ATXN10: variants seen among roughly 807,000 people sequenced by gnomAD.
ATXN10 encodes the protein ataxin 10.
ATXN10 carries 28 observed loss-of-function variants against 52.9 expected under a neutral mutation model. The ratio of observed to expected loss-of-function variants is 0.53; its 90% CI spans 0.39 to 0.73. ATXN10 has a LOEUF of 0.73. Ranked by LOEUF, ATXN10 falls within the 30% of genes least tolerant of loss-of-function variation. The pLI, the probability that ATXN10 is intolerant of heterozygous loss-of-function variation, is 0.00. For synonymous variants in ATXN10, 226 were observed against 221.5 expected (o/e 1.02, Z -0.18); for missense variants, 565 against 577.0 (o/e 0.98, Z 0.21).
chr22:45,800,588 G>A (rs575436661), intron 9 of ATXN10, among the ~76,000 whole-genome samples: 10 of 152,300 alleles, frequency 6.6e-5, no homozygotes, highest in East Asian at 1.9e-4. Flanking sequence ...AATTTCATTC[G>A]TAGGTATCCA....
At position 45,823,756 on chromosome 22, in the gene ATXN10, G is replaced by T. The variant is rs1014387120; in HGVS notation, c.1237+16734G>T. Among the ~76,000 whole-genome samples the T allele has an allele frequency of 3.9e-5, 6 of 152,118 alleles. No homozygotes were observed. Among genetic ancestry groups the T allele is most frequent in the African/African-American group, 1.4e-4 (6 of 41,410 alleles). On this transcript the variant is annotated intron_variant, in intron 10 of 11. Transcript: ENST00000252934. This position sits in a 1 kb window ranked among gnomAD's most constrained non-coding sequence, Gnocchi z 4.9. ...TCGGCAGGTGTTTATTGAGTAGCTG[G>T]CATGTTATGTGCTGCACACTGTTCT...
chr22:45,685,315 T>G (rs536004194), intron 1 of ATXN10, among the ~76,000 whole-genome samples: 1 of 152,326 alleles, frequency 6.6e-6, no homozygotes, highest in East Asian at 1.9e-4. Context: ...TTTTTTTGGT[T>G]CTGTAATGTA....
At position 45,681,061 on chromosome 22, in the gene ATXN10, T is replaced by C. The variant is rs1325217079; in HGVS notation, c.117-8651T>C. ...TAGACCACTCCAACTTTTAATCTCA[T>C]GACATCAGAGTATCCCTTGTTTAAT... On this transcript the variant is annotated intron_variant, in intron 1 of 11. Coordinates refer to ENST00000252934, the MANE Select transcript of ATXN10 (RefSeq NM_013236.4). The surrounding 1 kb of genome is among the most constrained non-coding windows in gnomAD (Gnocchi z 4.2). Among the ~76,000 whole-genome samples the C allele has an allele frequency of 1.3e-5, 2 of 152,220 alleles. No homozygotes were observed. Among genetic ancestry groups the C allele is most frequent in the Non-Finnish European group, 2.9e-5 (2 of 68,040 alleles).
chr22:45,755,633 A>G (rs1007723458), intron 9 of ATXN10, among the ~76,000 whole-genome samples: 3 of 152,220 alleles, frequency 2.0e-5, no homozygotes, highest in African/African-American at 4.8e-5. Context: ...GGGGAAAGGT[A>G]TTATTAACTT....
Position 45,824,781 on chromosome 22 carries a change from A to G in ATXN10, c.1237+17759A>G, listed in dbSNP as rs983081079. 8.5e-5 allele frequency among the ~76,000 whole-genome samples: 13 copies of G among 152,238 alleles called. No individual in the cohort carries two copies. The highest frequency in any genetic ancestry group is 3.1e-4 in the African/African-American group (13 of 41,452). On this transcript the variant is annotated intron_variant, in intron 10 of 11. Transcript: ENST00000252934. This position sits in a 1 kb window ranked among gnomAD's most constrained non-coding sequence, Gnocchi z 5.2. ...GCTTTTTCTGTGATACCCAGAATCT[A>G]TAACCTGTCTTTGTTGACCTCAAGA...
chr22:45,838,278 C>T (rs570490760), intron 10 of ATXN10, among the ~76,000 whole-genome samples: 13 of 152,274 alleles, frequency 8.5e-5, no homozygotes, highest in African/African-American at 3.1e-4. Flanking sequence ...GTTGAACCAG[C>T]TGAGGCCCAG....
At chr22:45,746,192 TTTACAG>T (rs1366948931) in intron 9 of ATXN10, among the ~76,000 whole-genome samples, 1 of 151,808 alleles carries the variant, frequency 6.6e-6, no homozygotes, top group African/African-American at 2.4e-5. Flanking sequence ...TAAGACTGAA[TTTACAG>T]TTGTTAAACA....
intron 9 of ATXN10, among the ~76,000 whole-genome samples, chr22:45,751,815 A>G (rs1304698476): frequency 1.4e-5 from 2 of 146,008 alleles, no homozygotes; most frequent in Non-Finnish European, 3.0e-5. Flanking sequence ...TCCCACATCT[A>G]AAGCAGTTTT....
chr22:45,766,947 A>T lies in ATXN10; in HGVS notation c.1173+26409A>T, dbSNP rs557017060. Among the ~76,000 whole-genome samples the T allele has an allele frequency of 6.6e-6, 1 of 152,372 alleles. No homozygotes were observed. Among genetic ancestry groups the T allele is most frequent in the South Asian group, 2.1e-4 (1 of 4,830 alleles). On this transcript the variant is annotated intron_variant, in intron 9 of 11. Coordinates refer to ENST00000252934, the MANE Select transcript of ATXN10 (RefSeq NM_013236.4). This position sits in a 1 kb window ranked among gnomAD's most constrained non-coding sequence, Gnocchi z 4.6. ...AATGCACATTAAACTACTCACTGAG[A>T]TACCATTTTTCACCTGTGTGATATC...
chr22:45,741,024 G>T (rs1157777763), intron 9 of ATXN10, among the ~76,000 whole-genome samples: 2 of 152,116 alleles, frequency 1.3e-5, no homozygotes, highest in African/African-American at 4.8e-5. Context: ...GTGCAGAAGA[G>T]CTTAAAGGTA....
chr22:45,812,179 A>G (rs918138265), intron 10 of ATXN10, among the ~76,000 whole-genome samples: 1 of 151,996 alleles, frequency 6.6e-6, no homozygotes, highest in African/African-American at 2.4e-5. Context: ...GAGATAGGCC[A>G]CCCGCTCCGA....
Position 45,822,822 on chromosome 22 carries a change from G to C in ATXN10, c.1237+15800G>C, listed in dbSNP as rs549223404. 1.6e-3 allele frequency among the ~76,000 whole-genome samples: 250 copies of C among 152,178 alleles called. 1 individual carries two copies. Among genetic ancestry groups the C allele is most frequent in the Non-Finnish European group, 3.0e-3 (205 of 67,992 alleles). ...CAGATGTGAGCCACGGTGCCCAGCTGAATTTCTCTAATATTAATAAACACA... is the reference window on the plus strand; with the variant it reads ...CAGATGTGAGCCACGGTGCCCAGCTCAATTTCTCTAATATTAATAAACACA... On this transcript the variant is annotated intron_variant, in intron 10 of 11. Transcript: ENST00000252934.
At chr22:45,714,597 G>A (rs1466703431) in intron 5 of ATXN10, among the ~76,000 whole-genome samples, 1 of 152,112 alleles carries the variant, frequency 6.6e-6, no homozygotes, top group South Asian at 2.1e-4. Context: ...GCCCAGGCTG[G>A]TCTTGAAGTC....
At chr22:45,716,302 G>A (rs1313906883) in intron 5 of ATXN10, among the ~76,000 whole-genome samples, 1 of 150,596 alleles carries the variant, frequency 6.6e-6, no homozygotes, top group Non-Finnish European at 1.5e-5. Flanking sequence ...GCTTAGAGGA[G>A]AGCTTATTGC....
chr22:45,778,956 C>G (rs187139830), intron 9 of ATXN10, among the ~76,000 whole-genome samples: 59 of 152,244 alleles, frequency 3.9e-4, no homozygotes, highest in Non-Finnish European at 7.9e-4. Flanking sequence ...TACAGAGTAT[C>G]AGAGGATCTA....
chr22:45,836,944 C>T (rs1023431062), intron 10 of ATXN10, among the ~76,000 whole-genome samples: 26 of 152,170 alleles, frequency 1.7e-4, no homozygotes, highest in Admixed American at 1.0e-3. Flanking sequence ...CCGTGCTGAC[C>T]ATGCTATGTG....
rs76458331 is a variant in ATXN10 at position 45,838,626 on chromosome 22, G to A, written c.1238-4365G>A. Among the ~76,000 whole-genome samples, 945 of 152,292 alleles carry A rather than the reference G, an allele frequency of 6.2e-3. 8 individuals carry two copies. Among genetic ancestry groups the A allele is most frequent in the Non-Finnish European group, 0.01 (704 of 68,026 alleles). On this transcript the variant is annotated intron_variant, in intron 10 of 11. Transcript: ENST00000252934. ...CTGTCCCTTTAGAGAGGGAACAAGA[G>A]GGCAATGTGAATATTAACTGAGACT... is the stretch of plus-strand genomic sequence containing the variant.
At chr22:45,796,302 T>A (rs917502827) in intron 9 of ATXN10, among the ~76,000 whole-genome samples, 12 of 152,320 alleles carry the variant, frequency 7.9e-5, no homozygotes, top group African/African-American at 2.9e-4. Context: ...TCGAACCCTA[T>A]TTCCTGTTAA....
rs1407607713 is a variant in ATXN10 at position 45,763,963 on chromosome 22, A to G, written c.1173+23425A>G. On this transcript the variant is annotated intron_variant, in intron 9 of 11. Coordinates refer to ENST00000252934, the MANE Select transcript of ATXN10 (RefSeq NM_013236.4). The surrounding 1 kb of genome is among the most constrained non-coding windows in gnomAD (Gnocchi z 6.9). ...TAAGGCTGCTACGTGTTATTGGAGA[A>G]AATTATAATACCTGACTTGTGAGTT... Among the ~76,000 whole-genome samples the G allele has an allele frequency of 4.0e-5, 6 of 151,106 alleles. 2 individuals are homozygous for G. The highest frequency in any genetic ancestry group is 4.0e-4 in the Admixed American group (6 of 15,188).
Sources: gnomAD v4.1 joint callset for allele counts (sites outside exome capture counted in the v4.1 genomes callset) on GRCh38, gnomAD v4.1.1 for gene constraint, Gnocchi (gnomAD v3.1) non-coding constraint, MANE v1.5 for transcripts, NCBI Gene and HGNC (gene_info 2026-07-23, HGNC 2026-07-21) for gene names.